Variants in CDC14B observed in about 807,000 individuals in gnomAD.
CDC14B encodes the protein cell division cycle 14B.
CDC14B carries 22 observed loss-of-function variants against 64.2 expected under a neutral mutation model. The ratio of observed to expected loss-of-function variants is 0.34; its 90% CI spans 0.24 to 0.49. The LOEUF is 0.49. CDC14B is among the 20% of genes least tolerant of loss of function. The pLI is 0.99. For synonymous variants in CDC14B, 191 were observed against 215.8 expected (o/e 0.89, Z 1.01); for missense variants, 498 against 629.9 (o/e 0.79, Z 2.24).
In CDC14B at chr9:96,501,186, G is replaced by A. The variant is rs1833535562; in HGVS notation, c.*2567C>T. On this transcript the variant is annotated 3_prime_UTR_variant, in exon 14 of 14. Transcript: ENST00000375241. ...ATACTTCTAGGAACCCAGTTTTGCA[G>A]ACGCTCTTCCTCCGGACTGTCCCTG... 6.6e-6 allele frequency: 1 copy of A among 152,218 alleles called. No homozygotes were observed. The allele number at this position is 152,218 out of a possible 1,614,324, so 9.4% of individuals were successfully genotyped here. A position where few individuals can be genotyped will look rare whatever the true frequency, so the allele number is the denominator to read the frequency against.
At chr9:96,551,706 T>C (rs1841871007) in intron 5 of CDC14B, 90 bp downstream of exon 5, 2 of 1,537,454 alleles carry the variant, frequency 1.3e-6, no homozygotes, top group Non-Finnish European at 1.8e-6. Flanking sequence ...AATGACTATT[T>C]ACCAGATCTT....
downstream of CDC14B, among the ~76,000 whole-genome samples, chr9:96,497,029 ACGT>A: frequency 6.6e-6 from 1 of 152,278 alleles, no homozygotes; most frequent in South Asian, 2.1e-4. Context: ...GCCTGAAAAG[ACGT>A]CGTTTAACAC....
chr9:96,499,552 C>A (rs183156074), downstream of CDC14B, among the ~76,000 whole-genome samples: 58 of 152,314 alleles, frequency 3.8e-4, no homozygotes, highest in African/African-American at 1.4e-3. Context: ...TGCAGAAAGT[C>A]AAAACTTTGT....
In CDC14B at chr9:96,523,184, G is replaced by A. The variant is rs565400545; in HGVS notation, c.1245+77C>T. The A allele has an allele frequency of 2.4e-4, 349 of 1,439,978 alleles. 1 individual carries two copies. Among genetic ancestry groups the A allele is most frequent in the Middle Eastern group, 2.5e-4 (1 of 4,030 alleles). The allele number at this position is 1,439,978 out of a possible 1,614,324, so 89.2% of individuals were successfully genotyped here. On this transcript the variant is annotated intron_variant, in intron 11 of 13. Transcript: ENST00000375241. The stretch of plus-strand genomic sequence containing the variant: ...AGAGCTGCTTTATTATTTTACCTAC[G>A]GTTTTCTCCATACCCTGACAGGTTC...
At chr9:96,579,862 A>C (rs1845040105) in intron 1 of CDC14B, among the ~76,000 whole-genome samples, 1 of 152,224 alleles carries the variant, frequency 6.6e-6, no homozygotes, top group African/African-American at 2.4e-5. Flanking sequence ...GAGAAAAGTG[A>C]AACTGTGAGG....
chr9:96,566,726 G>A (rs1844026808), intron 1 of CDC14B: 2 of 1,576,428 alleles, frequency 1.3e-6, no homozygotes, highest in East Asian at 2.3e-5. Flanking sequence ...CCCAGCGCGG[G>A]TGCCGGAGCC....
At chr9:96,597,327 C>T (rs750180526) in intron 1 of CDC14B, among the ~76,000 whole-genome samples, 1 of 151,950 alleles carries the variant, frequency 6.6e-6, no homozygotes, top group Non-Finnish European at 1.5e-5. Context: ...AACCCCGTCT[C>T]TACTAAAAAT....
At chr9:96,520,110 GGA>G (rs1411559278) in intron 12 of CDC14B, among the ~76,000 whole-genome samples, 1 of 152,104 alleles carries the variant, frequency 6.6e-6, no homozygotes, top group Non-Finnish European at 1.5e-5. Flanking sequence ...GCAGAGACGG[GGA>G]TAAGCAAAAT....
chr9:96,565,773 C>T (rs1380671615), intron 1 of CDC14B, among the ~76,000 whole-genome samples: 1 of 152,122 alleles, frequency 6.6e-6, no homozygotes, highest in African/African-American at 2.4e-5. Context: ...GTTTAGCTCC[C>T]CTGGATCAAG....
At chr9:96,566,902 T>A (rs368590310) in intron 1 of CDC14B, 2 of 1,546,868 alleles carry the variant, frequency 1.3e-6, no homozygotes, top group East Asian at 4.9e-5. Flanking sequence ...CCCCGAAGTT[T>A]AAAAAACAAA....
chr9:96,541,748 C>T lies in CDC14B; in HGVS notation c.564+78G>A, dbSNP rs757659668. 4.4e-5 allele frequency: 42 copies of T among 960,688 alleles called. No homozygotes were observed. The Admixed American group carries it at 8.6e-4, about 20-fold the overall frequency. The allele number at this position is 960,688 out of a possible 1,614,324, so 59.5% of individuals were successfully genotyped here. A position where few individuals can be genotyped will look rare whatever the true frequency, so the allele number is the denominator to read the frequency against. ...GGAAGAAACACTAACAAAAAGATCTCGGGAAGAAGGCCTAGTTTTCTTGGA... is the reference window on the plus strand; with the variant it reads ...GGAAGAAACACTAACAAAAAGATCTTGGGAAGAAGGCCTAGTTTTCTTGGA... On this transcript the variant is annotated intron_variant, in intron 6 of 13. Coordinates refer to ENST00000375241, the MANE Select transcript of CDC14B (RefSeq NM_033331.4).
chr9:96,603,850 T>C (rs1846672572), intron 1 of CDC14B, among the ~76,000 whole-genome samples: 1 of 152,200 alleles, frequency 6.6e-6, no homozygotes, highest in Non-Finnish European at 1.5e-5. Context: ...TGACATCACA[T>C]GCGGTAACCT....
At chr9:96,495,951 G>A (rs572923009), downstream of CDC14B, among the ~76,000 whole-genome samples, 31 of 152,310 alleles carry the variant, frequency 2.0e-4, no homozygotes, top group South Asian at 2.1e-3. Flanking sequence ...TTGACCCATC[G>A]ATGCAGCCTT....
intron 4 of CDC14B, 27 bp from the exon 5 acceptor site, chr9:96,551,899 C>T: frequency 6.3e-7 from 1 of 1,588,080 alleles, no homozygotes. Flanking sequence ...AAGAAAAAGG[C>T]AATTTATTTC....
At chr9:96,540,567 C>T (rs948792626) in intron 6 of CDC14B, among the ~76,000 whole-genome samples, 5 of 151,242 alleles carry the variant, frequency 3.3e-5, no homozygotes, top group Admixed American at 6.6e-5. Context: ...TTTGACCTAT[C>T]GTACCAGCTA....
chr9:96,565,554 C>T (rs1564352347), intron 1 of CDC14B, 71 bp from the exon 2 acceptor site: 1 of 971,536 alleles, frequency 1.0e-6, no homozygotes. Flanking sequence ...TGACACAACT[C>T]TTTTCAGATG....
chr9:96,566,673 G>T, intron 1 of CDC14B: 1 of 1,233,800 alleles, frequency 8.1e-7, no homozygotes, highest in Non-Finnish European at 1.2e-6. Flanking sequence ...GGCGGCCGGG[G>T]CCCAGACTAG....
intron 12 of CDC14B, among the ~76,000 whole-genome samples, chr9:96,517,662 A>AAAAAAG (rs1212228986): frequency 8.3e-5 from 12 of 144,298 alleles, no homozygotes; most frequent in African/African-American, 3.1e-4. Flanking sequence ...AAAAAAAAAA[A>AAAAAAG]AAGAAGAAGA....
chr9:96,538,834 T>G (rs1839642859), intron 7 of CDC14B: 1 of 416,618 alleles, frequency 2.4e-6, no homozygotes, highest in Non-Finnish European at 4.3e-6. Context: ...ATGTGTGTAC[T>G]GTATGCTTGA....
Sources: gnomAD v4.1 joint callset for allele counts (sites outside exome capture counted in the v4.1 genomes callset) on GRCh38, gnomAD v4.1.1 for gene constraint, MANE v1.5 for transcripts, NCBI Gene and HGNC (gene_info 2026-07-23, HGNC 2026-07-21) for gene names.